Variants in ZFAT observed in about 807,000 individuals in gnomAD.
ZFAT encodes the protein zinc finger and AT-hook domain containing.
In ZFAT, 64 loss-of-function variants were observed where a neutral mutation model predicts 117.7. The ratio of observed to expected loss-of-function variants is 0.54; its 90% CI spans 0.44 to 0.67. The LOEUF (loss-of-function observed/expected upper bound fraction) is 0.67. Among genes scored for constraint, ZFAT ranks in the 30% least tolerant of loss-of-function variants. The pLI, the probability that ZFAT is intolerant of heterozygous loss-of-function variation, is 0.00. For synonymous variants in ZFAT, 679 were observed against 615.0 expected, an observed-to-expected ratio of 1.10 and a Z score of -1.54; for missense variants, 1,433 against 1,584.5, an observed-to-expected ratio of 0.90 and a Z score of 1.62.
intron 5 of ZFAT, among the ~76,000 whole-genome samples, chr8:134,603,812 C>T (rs1382578628): frequency 6.6e-6 from 1 of 152,260 alleles, no homozygotes. Flanking sequence ...TCTCACTCTG[C>T]AGGCAGTAAC....
intron 1 of ZFAT, chr8:134,696,413 TCG>T: frequency 3.0e-6 from 3 of 985,542 alleles, no homozygotes; most frequent in Non-Finnish European, 3.6e-6. Context: ...GAGTGGAAAC[TCG>T]CATCGGGAGA....
At chr8:134,563,591 G>A (rs1036578526) in intron 11 of ZFAT, among the ~76,000 whole-genome samples, 6 of 152,166 alleles carry the variant, frequency 3.9e-5, no homozygotes, top group African/African-American at 1.4e-4. Context: ...ATATCATCAT[G>A]GTGACTGAAG....
At chr8:134,832,100 G>T in the ZFAT span, among the ~76,000 whole-genome samples, 1 of 149,750 alleles carries the variant, frequency 6.7e-6, no homozygotes, top group Non-Finnish European at 1.5e-5. Flanking sequence ...GGGGGAGAGG[G>T]CGCGGGGACG....
At chr8:134,572,412 G>A (rs957103343) in intron 10 of ZFAT, among the ~76,000 whole-genome samples, 4 of 152,154 alleles carry the variant, frequency 2.6e-5, no homozygotes, top group Admixed American at 1.3e-4. Flanking sequence ...TGTTTCATCC[G>A]CTACTGCACA....
intron 12 of ZFAT, among the ~76,000 whole-genome samples, chr8:134,531,870 G>A (rs1038206663): frequency 1.3e-4 from 20 of 152,274 alleles, no homozygotes; most frequent in Non-Finnish European, 2.6e-4. Context: ...TACAGCGAGC[G>A]GAGCTTCACG....
At chr8:134,609,747 T>C (rs1828175926) in intron 4 of ZFAT, among the ~76,000 whole-genome samples, 1 of 152,232 alleles carries the variant, frequency 6.6e-6, no homozygotes, top group South Asian at 2.1e-4. Context: ...TTAAGGGTCC[T>C]ATCCTAGAGA....
chr8:134,785,484 T>C, the ZFAT span: 3 of 152,106 alleles, frequency 2.0e-5, no homozygotes, highest in Non-Finnish European at 2.9e-5. Context: ...ATATTTAAAA[T>C]GGTATTCCCG....
At chr8:134,776,466 CTAGT>C in the ZFAT span, among the ~76,000 whole-genome samples, 3 of 151,924 alleles carry the variant, frequency 2.0e-5, no homozygotes, top group East Asian at 1.9e-4. Flanking sequence ...CCACATCCGG[CTAGT>C]TATTTTATTT....
At chr8:134,656,447 G>C (rs1171781405) in intron 2 of ZFAT, among the ~76,000 whole-genome samples, 1 of 152,084 alleles carries the variant, frequency 6.6e-6, no homozygotes, top group Non-Finnish European at 1.5e-5. Flanking sequence ...ACTAGCTTCG[G>C]GTGCTGCATC....
At chr8:134,736,755 T>C in the ZFAT span, among the ~76,000 whole-genome samples, 326 of 151,992 alleles carry the variant, frequency 2.1e-3, no homozygotes, top group Middle Eastern at 0.01. Context: ...ACCCAGCTAA[T>C]TTTTTTTATT....
chr8:134,568,239 G>C (rs1212530495), intron 10 of ZFAT, among the ~76,000 whole-genome samples: 1 of 152,088 alleles, frequency 6.6e-6, no homozygotes, highest in Non-Finnish European at 1.5e-5. Flanking sequence ...TATTAATTCT[G>C]CAAGCCCAAA....
chr8:134,790,695 A>G, the ZFAT span, among the ~76,000 whole-genome samples: 1 of 152,234 alleles, frequency 6.6e-6, no homozygotes, highest in East Asian at 1.9e-4. Context: ...TCTGTGCTGC[A>G]TTCTAGCTTA....
At chr8:134,805,345 C>T in the ZFAT span, among the ~76,000 whole-genome samples, 2 of 152,250 alleles carry the variant, frequency 1.3e-5, no homozygotes, top group African/African-American at 4.8e-5. Context: ...GCTGCCCTGA[C>T]GTTATTGTTA....
At chr8:134,481,264 G>C (rs1391597464) in intron 15 of ZFAT, among the ~76,000 whole-genome samples, 1 of 152,152 alleles carries the variant, frequency 6.6e-6, no homozygotes, top group East Asian at 1.9e-4. Context: ...CCTCTTACCT[G>C]TCAGTAAATG....
At chr8:134,760,292 AC>A in the ZFAT span, among the ~76,000 whole-genome samples, 2 of 131,406 alleles carry the variant, frequency 1.5e-5, no homozygotes, top group South Asian at 2.5e-4. Flanking sequence ...AAAAAAACAA[AC>A]AAAAAACAAA....
chr8:134,478,400 G>C lies in ZFAT; in HGVS notation c.*82C>G. On this transcript the variant is annotated 3_prime_UTR_variant, in exon 16 of 16. Coordinates refer to ENST00000377838, the MANE Select transcript of ZFAT (RefSeq NM_020863.4). The surrounding 1 kb of genome is among the most constrained non-coding windows in gnomAD (Gnocchi z 5.2). Reference sequence around the variant, plus strand: ...AAGGAGAGCACCATTCTGCGGGTAGGGCAGGAAGGGTGGCCTCCCCACCCT... The same window carrying C: ...AAGGAGAGCACCATTCTGCGGGTAGCGCAGGAAGGGTGGCCTCCCCACCCT... The C allele has an allele frequency of 6.7e-7, 1 of 1,499,546 alleles. No homozygotes were observed. Among genetic ancestry groups the C allele is most frequent in the Non-Finnish European group, 8.9e-7 (1 of 1,122,380 alleles). 92.9% of individuals were successfully genotyped at this position (1,499,546 alleles called of 1,614,324 possible). A position where few individuals can be genotyped will look rare whatever the true frequency, so the allele number is the denominator to read the frequency against.
intron 1 of ZFAT, among the ~76,000 whole-genome samples, chr8:134,691,322 G>A (rs1289113342): frequency 1.5e-5 from 2 of 137,168 alleles, no homozygotes; most frequent in African/African-American, 2.8e-5. Flanking sequence ...CTGGCATCCT[G>A]GCCCTTCAGC....
At chr8:134,662,979 C>A (rs1004164588) in intron 1 of ZFAT, among the ~76,000 whole-genome samples, 1 of 152,240 alleles carries the variant, frequency 6.6e-6, no homozygotes, top group Non-Finnish European at 1.5e-5. Flanking sequence ...TGCTCTGCAG[C>A]GCAGACATGC....
chr8:134,649,165 T>TCACACACA (rs752848073), intron 2 of ZFAT, among the ~76,000 whole-genome samples: 3 of 76,968 alleles, frequency 3.9e-5, no homozygotes, highest in South Asian at 5.6e-4. Flanking sequence ...CATCTATCTC[T>TCACACACA]CACACACACA....
Sources: gnomAD v4.1 joint callset for allele counts (sites outside exome capture counted in the v4.1 genomes callset) on GRCh38, gnomAD v4.1.1 for gene constraint, Gnocchi (gnomAD v3.1) non-coding constraint, MANE v1.5 for transcripts, NCBI Gene and HGNC (gene_info 2026-07-23, HGNC 2026-07-21) for gene names.